GRID2: variants seen among roughly 807,000 people sequenced by gnomAD.
GRID2 encodes the protein glutamate receptor ionotropic, delta-2.
In GRID2, 33 loss-of-function variants were observed where a neutral mutation model predicts 114.8. The ratio of observed to expected loss-of-function variants is 0.29; its 90% CI spans 0.22 to 0.38. GRID2 has a LOEUF of 0.38. Ranked by LOEUF, GRID2 falls within the 10% of genes least tolerant of loss-of-function variation. GRID2 has a pLI of 1.00. For missense variants in GRID2, 1,184 were observed against 1,257.7 expected (o/e 0.94, Z 0.89); for synonymous variants, 505 against 449.9 (o/e 1.12, Z -1.55).
chr4:93,627,365 G>A (rs1482665737), intron 14 of GRID2, among the ~76,000 whole-genome samples: 1 of 152,008 alleles, frequency 6.6e-6, no homozygotes, highest in Admixed American at 6.6e-5. Flanking sequence ...GGCATTTTGT[G>A]TGTATGTTTT....
rs557424413 is a variant in GRID2, at chr4:93,302,514, C to T, written c.1245+64024C>T. ...ATGCGAACATAATATTCATGTTTTC[C>T]ACTTATAATGTTTAATTTGTGTAAT... On this transcript the variant is annotated intron_variant, in intron 8 of 15. Coordinates refer to ENST00000282020, the MANE Select transcript of GRID2 (RefSeq NM_001510.4). 8 of 452,274 alleles carry T rather than the reference C, an allele frequency of 1.8e-5. No individual in the cohort carries two copies. In the East Asian group the frequency reaches 4.9e-4, roughly 28 times the overall value. The allele number at this position is 452,274 out of a possible 1,614,324, so 28.0% of individuals were successfully genotyped here.
intron 4 of GRID2, among the ~76,000 whole-genome samples, chr4:93,165,751 G>A (rs900843568): frequency 6.6e-6 from 1 of 151,978 alleles, no homozygotes; most frequent in African/African-American, 2.4e-5. Flanking sequence ...ATAATTAAAA[G>A]GACTCCCTTT....
intron 1 of GRID2, among the ~76,000 whole-genome samples, chr4:92,526,089 T>C (rs955542749): frequency 6.6e-6 from 1 of 151,116 alleles, no homozygotes; most frequent in African/African-American, 2.4e-5. Context: ...CAGGAACAAG[T>C]CTCAAATAGA....
chr4:93,106,538 G>C (rs1027049907), intron 3 of GRID2, among the ~76,000 whole-genome samples: 2 of 152,054 alleles, frequency 1.3e-5, no homozygotes, highest in Non-Finnish European at 2.9e-5. Context: ...AGCCAGGCTG[G>C]TCTGAAACTC....
chr4:93,250,698 G>A (rs139143072), intron 8 of GRID2, among the ~76,000 whole-genome samples: 3 of 144,556 alleles, frequency 2.1e-5, no homozygotes, highest in African/African-American at 7.6e-5. Context: ...TATATAAAAT[G>A]TGCATGCGTA....
chr4:93,334,969 C>A (rs763340755), intron 8 of GRID2, among the ~76,000 whole-genome samples: 5 of 152,040 alleles, frequency 3.3e-5, no homozygotes, highest in Non-Finnish European at 5.9e-5. Context: ...TCTTTAGCTG[C>A]TGTTTTTCAT....
At chr4:93,469,919 G>A (rs1724644172) in intron 11 of GRID2, among the ~76,000 whole-genome samples, 4 of 151,990 alleles carry the variant, frequency 2.6e-5, no homozygotes, top group Admixed American at 2.6e-4. Context: ...TTTTTAAATG[G>A]GTCTTTAATA....
intron 8 of GRID2, among the ~76,000 whole-genome samples, chr4:93,272,105 C>T (rs1420183097): frequency 6.6e-6 from 1 of 152,048 alleles, no homozygotes; most frequent in South Asian, 2.1e-4. Context: ...TAAGAAGTAG[C>T]CTTTGCAATT....
intron 2 of GRID2, among the ~76,000 whole-genome samples, chr4:93,063,757 GTAAGCAT>G (rs1277635079): frequency 1.3e-5 from 2 of 151,700 alleles, no homozygotes; most frequent in African/African-American, 2.4e-5. Context: ...AAGTAGACCT[GTAAGCAT>G]TAATATCTCC....
At position 93,649,391 on chromosome 4, in the gene GRID2, AT is replaced by A. The variant is rs113756921; in HGVS notation, c.2360+22963del. On this transcript the variant is annotated intron_variant, in intron 14 of 15. Transcript: ENST00000282020. ...TCCTTATCCCAGTAAAGTTTCATTT[AT>A]TTTTTTCTTTTATTAACATAATAAT... Among the ~76,000 whole-genome samples, 977 of 152,112 alleles carry A rather than the reference AT, an allele frequency of 6.4e-3. 13 individuals are homozygous for A. The highest frequency in any genetic ancestry group is 0.022 in the African/African-American group (893 of 41,506).
intron 2 of GRID2, among the ~76,000 whole-genome samples, chr4:92,614,214 T>A (rs996980012): frequency 6.6e-6 from 1 of 151,586 alleles, no homozygotes; most frequent in African/African-American, 2.4e-5. Context: ...GCTGCCAGCA[T>A]CCTCAGTTCT....
chr4:93,738,804 TATG>T (rs1439451066), intron 14 of GRID2, among the ~76,000 whole-genome samples: 1 of 152,032 alleles, frequency 6.6e-6, no homozygotes, highest in African/African-American at 2.4e-5. Context: ...ATTATTATAA[TATG>T]ATTATTATGA....
intron 8 of GRID2, among the ~76,000 whole-genome samples, chr4:93,270,593 T>C (rs1280698306): frequency 6.6e-6 from 1 of 152,064 alleles, no homozygotes; most frequent in Non-Finnish European, 1.5e-5. Flanking sequence ...GAGGATAACA[T>C]AATATGTATT....
chr4:92,580,957 A>G (rs952155013), intron 1 of GRID2, among the ~76,000 whole-genome samples: 1 of 151,378 alleles, frequency 6.6e-6, no homozygotes, highest in African/African-American at 2.4e-5. Flanking sequence ...CAGTGTTCAA[A>G]GTGTCTATTG....
chr4:93,131,938 C>T (rs764079938), intron 4 of GRID2, among the ~76,000 whole-genome samples: 7 of 152,124 alleles, frequency 4.6e-5, no homozygotes, highest in Non-Finnish European at 1.0e-4. Context: ...TAGTGTCTCT[C>T]AGTATTGTTA....
At chr4:92,940,831 G>C (rs1164751168) in intron 2 of GRID2, among the ~76,000 whole-genome samples, 1 of 152,018 alleles carries the variant, frequency 6.6e-6, no homozygotes, top group Non-Finnish European at 1.5e-5. Flanking sequence ...ATAATCATGT[G>C]GTTTTTGTCT....
intron 2 of GRID2, among the ~76,000 whole-genome samples, chr4:92,613,709 T>G (rs1361591305): frequency 6.6e-6 from 1 of 151,494 alleles, no homozygotes; most frequent in Non-Finnish European, 1.5e-5. Flanking sequence ...TAATCCTGTC[T>G]TGTTGGTAGA....
intron 2 of GRID2, among the ~76,000 whole-genome samples, chr4:92,714,485 G>T (rs985017969): frequency 2.6e-5 from 4 of 152,184 alleles, no homozygotes; most frequent in African/African-American, 9.7e-5. Flanking sequence ...GCCCCAGTGG[G>T]GACTCTGTGT....
At chr4:93,205,223 TA>T (rs1579285323) in intron 4 of GRID2, among the ~76,000 whole-genome samples, 1 of 152,024 alleles carries the variant, frequency 6.6e-6, no homozygotes, top group Non-Finnish European at 1.5e-5. Context: ...GTTTTTTTTT[TA>T]TTTTTTTTTA....
Sources: allele counts gnomAD v4.1 joint callset (sites outside exome capture counted in the v4.1 genomes callset), GRCh38; gene constraint gnomAD v4.1.1; transcripts MANE v1.5; gene names NCBI Gene and HGNC (gene_info 2026-07-23, HGNC 2026-07-21).